The following UVRAG variants were observed in gnomAD, a reference collection of about 807,000 sequenced individuals.
UVRAG encodes the protein UV radiation resistance associated, also known as UV radiation resistance-associated gene protein.
A neutral mutation model predicts 78.0 loss-of-function variants in UVRAG; 19 were observed. That is an observed-to-expected ratio of 0.24 (90% CI 0.17 to 0.36). The LOEUF is 0.36. Among genes scored for constraint, UVRAG ranks in the 10% least tolerant of loss-of-function variants. The pLI, the probability that UVRAG is intolerant of heterozygous loss-of-function variation, is 1.00. For missense variants in UVRAG, 740 were observed against 853.8 expected (o/e 0.87, Z 1.66); for synonymous variants, 323 against 324.6 (o/e 1.00, Z 0.05).
In UVRAG at chr11:75,861,003, T is replaced by C. The variant is rs146811406; in HGVS notation, c.236-743T>C. On this transcript the variant is annotated intron_variant, in intron 2 of 14. Coordinates refer to ENST00000356136, the MANE Select transcript of UVRAG (RefSeq NM_003369.4). ...CATCCTGTTGGCCATAAGAGCAGCATGGAGATGACTTGGGCAGGATAAGCA... is the reference window on the plus strand; with the variant it reads ...CATCCTGTTGGCCATAAGAGCAGCACGGAGATGACTTGGGCAGGATAAGCA... 5.8e-3 allele frequency among the ~76,000 whole-genome samples: 885 copies of C among 152,200 alleles called. 5 individuals are homozygous for C. The highest frequency in any genetic ancestry group is 0.014 in the Middle Eastern group (4 of 294).
intron 13 of UVRAG, among the ~76,000 whole-genome samples, chr11:76,073,470 C>T (rs1222998657): frequency 6.6e-6 from 1 of 152,262 alleles, no homozygotes; most frequent in South Asian, 2.1e-4. Context: ...AATTCCAGAT[C>T]GCTTGTGTCT....
intron 1 of UVRAG, among the ~76,000 whole-genome samples, chr11:75,834,402 A>G (rs1945733568): frequency 6.6e-6 from 1 of 152,086 alleles, no homozygotes; most frequent in Admixed American, 6.6e-5. Context: ...TTTGTCCCTC[A>G]TTGGTAATGT....
chr11:76,124,586 T>G (rs1952351849), intron 14 of UVRAG, among the ~76,000 whole-genome samples: 1 of 152,254 alleles, frequency 6.6e-6, no homozygotes, highest in Non-Finnish European at 1.5e-5. Flanking sequence ...GATAGAGCAC[T>G]GAGAAGTATC....
intron 4 of UVRAG, among the ~76,000 whole-genome samples, chr11:75,885,636 G>T (rs1947058016): frequency 6.6e-6 from 1 of 152,116 alleles, no homozygotes. Flanking sequence ...CGAGGTTGTG[G>T]TTAAGTTCTA....
intron 6 of UVRAG, among the ~76,000 whole-genome samples, chr11:75,912,458 G>T (rs1487777097): frequency 2.0e-5 from 3 of 152,114 alleles, no homozygotes; most frequent in Non-Finnish European, 4.4e-5. Flanking sequence ...AATTATGTTT[G>T]GCAAGCCAAA....
rs181573391 is a variant in UVRAG at position 76,099,606 on chromosome 11, G to A, written c.1306-16318G>A. On this transcript the variant is annotated intron_variant, in intron 13 of 14. Transcript: ENST00000356136. ...TAACAGGTCTTCCTATTCAAGAATA[G>A]GATATGAGTTTCCACTTACTAATAT... 9.1e-4 allele frequency among the ~76,000 whole-genome samples: 138 copies of A among 152,180 alleles called. 1 individual carries two copies. Among genetic ancestry groups the A allele is most frequent in the Non-Finnish European group, 1.6e-3 (106 of 67,968 alleles).
At chr11:75,927,784 A>G (rs191414474) in intron 6 of UVRAG, among the ~76,000 whole-genome samples, 1 of 152,340 alleles carries the variant, frequency 6.6e-6, no homozygotes, top group Non-Finnish European at 1.5e-5. Context: ...TTGGTTTGTT[A>G]CAAGAATAGC....
At chr11:76,022,935 A>AT (rs1178160714) in intron 12 of UVRAG, among the ~76,000 whole-genome samples, 4 of 151,060 alleles carry the variant, frequency 2.6e-5, no homozygotes, top group African/African-American at 4.9e-5. Context: ...TATTTTATAG[A>AT]TTTTTTATGG....
chr11:75,858,931 G>A (rs1202654050), intron 2 of UVRAG, among the ~76,000 whole-genome samples: 4 of 152,318 alleles, frequency 2.6e-5, no homozygotes, highest in Admixed American at 2.6e-4. Flanking sequence ...TGAATGAATG[G>A]AATGCTGCAG....
At chr11:75,971,128 G>T (rs1185072424) in intron 7 of UVRAG, among the ~76,000 whole-genome samples, 1 of 152,030 alleles carries the variant, frequency 6.6e-6, no homozygotes, top group East Asian at 1.9e-4. Context: ...TTTCAGACTG[G>T]CTTCTTTCAT....
intron 8 of UVRAG, among the ~76,000 whole-genome samples, chr11:75,990,597 A>G (rs1269582966): frequency 6.6e-6 from 1 of 152,200 alleles, no homozygotes; most frequent in Admixed American, 6.5e-5. Flanking sequence ...TGCTTCAACC[A>G]CACAGAACTC....
chr11:75,975,435 G>A (rs949829955), intron 7 of UVRAG, among the ~76,000 whole-genome samples: 2 of 152,182 alleles, frequency 1.3e-5, no homozygotes, highest in Admixed American at 1.3e-4. Flanking sequence ...GGATGGCACT[G>A]AATCTATAAA....
At chr11:75,895,357 GT>G (rs140080956) in intron 5 of UVRAG, among the ~76,000 whole-genome samples, 1,547 of 152,120 alleles carry the variant, frequency 0.01, 29 homozygotes, top group African/African-American at 0.036. Context: ...TTCCCTCTTT[GT>G]TTATCTGCTT....
At chr11:75,957,966 T>G (rs1170500800) in intron 6 of UVRAG, among the ~76,000 whole-genome samples, 1 of 152,240 alleles carries the variant, frequency 6.6e-6, no homozygotes, top group Non-Finnish European at 1.5e-5. Context: ...TCCCAGTGCG[T>G]ATAAAAGTTA....
In UVRAG at chr11:75,815,413, C is replaced by A. The variant is rs915161693; in HGVS notation, c.6C>A (p.Ser2Arg). 4 of 1,246,576 alleles carry A rather than the reference C, an allele frequency of 3.2e-6. No homozygotes were observed. In the African/African-American group the frequency reaches 4.7e-5, roughly 15 times the overall value. The allele number at this position is 1,246,576 out of a possible 1,614,324, so 77.2% of individuals were successfully genotyped here. A position where few individuals can be genotyped will look rare whatever the true frequency, so the allele number is the denominator to read the frequency against. The change falls in exon 1 of 15, where the codon AGC becomes AGA. Residue 2 changes from serine to arginine, a missense_variant. Coordinates refer to ENST00000356136, the MANE Select transcript of UVRAG (RefSeq NM_003369.4). M[S>R]ASASVGGPVP... ...TTGGCGGCCCCTGGATCGAGATGAG[C>A]GCCTCCGCGTCGGTCGGGGGCCCCG...
At position 76,130,201 on chromosome 11, in the gene UVRAG, T is replaced by A. The variant is rs1478513408; in HGVS notation, c.1398-10510T>A. On this transcript the variant is annotated intron_variant, in intron 14 of 14. Coordinates refer to ENST00000356136, the MANE Select transcript of UVRAG (RefSeq NM_003369.4). ...TGAAGAACTCTACTAGCCCTTCTAA[T>A]CTTGTCCTTTTCTGTCTGGGTCAGA... Among the ~76,000 whole-genome samples the A allele has an allele frequency of 2.0e-5, 3 of 152,350 alleles. No homozygotes were observed. The East Asian group carries it at 5.8e-4, about 29-fold the overall frequency.
At chr11:76,004,135 C>T (rs189665193) in intron 9 of UVRAG, 46 bp downstream of exon 9, 11 of 1,570,836 alleles carry the variant, frequency 7.0e-6, no homozygotes, top group South Asian at 4.4e-5. Flanking sequence ...GAGTTTACTG[C>T]GAGGATAGAT....
intron 13 of UVRAG, among the ~76,000 whole-genome samples, chr11:76,095,870 C>CAAA (rs747792893): frequency 8.7e-4 from 40 of 45,726 alleles, no homozygotes; most frequent in African/African-American, 2.1e-3. Context: ...GACTCTGTCT[C>CAAA]AAAAAAAAAA....
chr11:75,931,720 AT>A (rs1170838107), intron 6 of UVRAG, among the ~76,000 whole-genome samples: 1 of 152,222 alleles, frequency 6.6e-6, no homozygotes, highest in East Asian at 1.9e-4. Context: ...AAAACATTAA[AT>A]AGTGATTTGG....
Sources: allele counts gnomAD v4.1 joint callset (sites outside exome capture counted in the v4.1 genomes callset), GRCh38; gene constraint gnomAD v4.1.1; transcripts MANE v1.5; gene names NCBI Gene and HGNC (gene_info 2026-07-23, HGNC 2026-07-21).